The following UBE2E2 variants were observed in gnomAD, a reference collection of about 807,000 sequenced individuals.
UBE2E2 encodes ubiquitin-conjugating enzyme E2 E2.
In UBE2E2, 6 loss-of-function variants were observed where a neutral mutation model predicts 24.7. The ratio of observed to expected loss-of-function variants is 0.24; its 90% CI spans 0.13 to 0.48. UBE2E2 has a LOEUF of 0.48. UBE2E2 is among the 20% of genes least tolerant of loss of function. UBE2E2 has a pLI of 0.99. For synonymous variants in UBE2E2, 104 were observed against 83.6 expected (o/e 1.24, Z -1.33); for missense variants, 169 against 245.0 (o/e 0.69, Z 2.07).
intron 3 of UBE2E2, among the ~76,000 whole-genome samples, chr3:23,415,277 C>G (rs1697593752): frequency 6.6e-6 from 1 of 152,202 alleles, no homozygotes; most frequent in African/African-American, 2.4e-5. Context: ...CACATACTAA[C>G]TAGCCATTCC....
At chr3:23,241,278 C>T (rs750485134) in intron 3 of UBE2E2, among the ~76,000 whole-genome samples, 2 of 152,162 alleles carry the variant, frequency 1.3e-5, no homozygotes, top group South Asian at 2.1e-4. Context: ...TGGTCCAAGC[C>T]GTCTTCATAT....
At chr3:23,207,803 T>G (rs568585417) in intron 1 of UBE2E2, among the ~76,000 whole-genome samples, 1 of 152,330 alleles carries the variant, frequency 6.6e-6, no homozygotes, top group African/African-American at 2.4e-5. Context: ...CATTTTTGTC[T>G]TATTTTCTGT....
intron 3 of UBE2E2, among the ~76,000 whole-genome samples, chr3:23,358,036 ATTTT>A (rs1388675035): frequency 1.3e-5 from 2 of 151,984 alleles, no homozygotes; most frequent in Non-Finnish European, 2.9e-5. Flanking sequence ...GAATTTCACC[ATTTT>A]GCCTGGGCTG....
chr3:23,217,177 GT>G, intron 2 of UBE2E2, 84 bp from the exon 3 acceptor site: 2 of 1,225,934 alleles, frequency 1.6e-6, no homozygotes, highest in Non-Finnish European at 2.4e-6. Flanking sequence ...AAAGGGAAAT[GT>G]TATTAAAATG....
chr3:23,233,255 A>G (rs1697017464), intron 3 of UBE2E2, among the ~76,000 whole-genome samples: 1 of 152,212 alleles, frequency 6.6e-6, no homozygotes, highest in African/African-American at 2.4e-5. Context: ...GAATAGTATC[A>G]GTCTTTTTAG....
intron 5 of UBE2E2, among the ~76,000 whole-genome samples, chr3:23,576,717 A>G (rs1696355447): frequency 6.6e-6 from 1 of 152,208 alleles, no homozygotes; most frequent in African/African-American, 2.4e-5. Context: ...TACAGAGATG[A>G]CAGACAGTCC....
At chr3:23,307,464 T>C (rs1377674143) in intron 3 of UBE2E2, among the ~76,000 whole-genome samples, 1 of 152,206 alleles carries the variant, frequency 6.6e-6, no homozygotes, top group Non-Finnish European at 1.5e-5. Context: ...GATGTATTTA[T>C]GACGTTTTAC....
chr3:23,267,748 A>G (rs1159175051), intron 3 of UBE2E2, among the ~76,000 whole-genome samples: 1 of 151,808 alleles, frequency 6.6e-6, no homozygotes, highest in Non-Finnish European at 1.5e-5. Context: ...CAGAGACACA[A>G]CCAAAAAAGA....
chr3:23,384,662 C>T (rs1696760086), intron 3 of UBE2E2, among the ~76,000 whole-genome samples: 1 of 152,202 alleles, frequency 6.6e-6, no homozygotes, highest in African/African-American at 2.4e-5. Context: ...CTTGCTTCAG[C>T]CTCCCGAGTA....
intron 3 of UBE2E2, among the ~76,000 whole-genome samples, chr3:23,354,071 G>T (rs1695853874): frequency 6.6e-6 from 1 of 152,090 alleles, no homozygotes; most frequent in Non-Finnish European, 1.5e-5. Context: ...AGAGCCCTCA[G>T]AAATAACGCC....
intron 3 of UBE2E2, among the ~76,000 whole-genome samples, chr3:23,342,771 T>TCCC (rs1695432870): frequency 3.9e-5 from 6 of 152,310 alleles, no homozygotes; most frequent in South Asian, 2.1e-4. Context: ...GTGAATTTGA[T>TCCC]AGAAATGGGA....
At chr3:23,515,086 C>G (rs1484126110) in intron 4 of UBE2E2, among the ~76,000 whole-genome samples, 1 of 151,790 alleles carries the variant, frequency 6.6e-6, no homozygotes, top group Admixed American at 6.6e-5. Context: ...CTGAAGCTTA[C>G]TCTCAAATAG....
At chr3:23,573,472 G>A (rs986205852) in intron 5 of UBE2E2, among the ~76,000 whole-genome samples, 27 of 152,086 alleles carry the variant, frequency 1.8e-4, no homozygotes, top group Admixed American at 1.4e-3. Context: ...TAGATGAATC[G>A]TGTTATCTTT....
intron 3 of UBE2E2, among the ~76,000 whole-genome samples, chr3:23,429,012 T>C (rs987301252): frequency 7.9e-6 from 1 of 126,318 alleles, no homozygotes; most frequent in Non-Finnish European, 1.7e-5. Context: ...AATAAAGAAA[T>C]ACTATAAACA....
intron 5 of UBE2E2, among the ~76,000 whole-genome samples, chr3:23,554,957 C>T (rs919439699): frequency 9.9e-5 from 15 of 151,620 alleles, no homozygotes; most frequent in African/African-American, 3.2e-4. Flanking sequence ...GGCTCTGTTG[C>T]CCAGGCTGGA....
chr3:23,344,592 A>G (rs1294128092), intron 3 of UBE2E2, among the ~76,000 whole-genome samples: 1 of 152,098 alleles, frequency 6.6e-6, no homozygotes, highest in Non-Finnish European at 1.5e-5. Context: ...TAAGAATTAA[A>G]GTACTGATGT....
intron 4 of UBE2E2, among the ~76,000 whole-genome samples, chr3:23,502,864 G>A (rs1166990336): frequency 2.6e-5 from 4 of 152,106 alleles, no homozygotes; most frequent in Non-Finnish European, 4.4e-5. Flanking sequence ...TTCAAAGTAG[G>A]TAAGGCATTT....
chr3:23,308,392 G>A (rs529084051), intron 3 of UBE2E2, among the ~76,000 whole-genome samples: 19 of 152,018 alleles, frequency 1.2e-4, no homozygotes, highest in East Asian at 9.6e-4. Context: ...CCTTCATTGC[G>A]AAGAATCCAT....
At chr3:23,220,544 T>A (rs1696603631) in intron 3 of UBE2E2, among the ~76,000 whole-genome samples, 1 of 152,176 alleles carries the variant, frequency 6.6e-6, no homozygotes, top group Non-Finnish European at 1.5e-5. Context: ...CTATAAGTAG[T>A]GGAATATATT....
Sources: gnomAD v4.1 joint callset for allele counts (sites outside exome capture counted in the v4.1 genomes callset) on GRCh38, gnomAD v4.1.1 for gene constraint, MANE v1.5 for transcripts, NCBI Gene and HGNC (gene_info 2026-07-23, HGNC 2026-07-21) for gene names.